Variants in PDE4D observed in about 807,000 individuals in gnomAD.
PDE4D encodes the protein 3',5'-cyclic-AMP phosphodiesterase 4D.
A neutral mutation model predicts 87.4 loss-of-function variants in PDE4D; 24 were observed. The observed-to-expected ratio is 0.27, with a 90% CI of 0.20 to 0.39. The LOEUF (loss-of-function observed/expected upper bound fraction) is 0.39. PDE4D is among the 10% of genes least tolerant of loss of function. The pLI is 1.00. For missense variants in PDE4D, 714 were observed against 1,041.0 expected, an observed-to-expected ratio of 0.69 and a Z score of 4.32; for synonymous variants, 384 against 383.2, an observed-to-expected ratio of 1.00 and a Z score of -0.02.
chr5:59,918,571 C>A (rs1442166471), intron 3 of PDE4D, among the ~76,000 whole-genome samples: 2 of 152,148 alleles, frequency 1.3e-5, no homozygotes, highest in African/African-American at 4.8e-5. Context: ...GTCATACTAG[C>A]AAACTCACTC....
At chr5:59,669,517 G>A (rs955837836) in intron 1 of PDE4D, among the ~76,000 whole-genome samples, 1 of 152,118 alleles carries the variant, frequency 6.6e-6, no homozygotes, top group African/African-American at 2.4e-5. Context: ...GACTCATGCT[G>A]AAGTTAACTA....
At chr5:59,219,964 T>C (rs1215574692) in intron 1 of PDE4D, among the ~76,000 whole-genome samples, 1 of 152,066 alleles carries the variant, frequency 6.6e-6, no homozygotes, top group African/African-American at 2.4e-5. Context: ...ACATTTAGTG[T>C]CTGGCTAAAT....
intron 5 of PDE4D, among the ~76,000 whole-genome samples, chr5:59,078,701 G>C (rs765640308): frequency 4.6e-5 from 7 of 151,966 alleles, no homozygotes; most frequent in Non-Finnish European, 8.8e-5. Flanking sequence ...TGTATTGATA[G>C]GGTTTCTTCA....
chr5:59,350,206 A>G (rs1297760030), intron 1 of PDE4D, among the ~76,000 whole-genome samples: 2 of 152,130 alleles, frequency 1.3e-5, no homozygotes, highest in Non-Finnish European at 2.9e-5. Context: ...TCATTGCCCA[A>G]TTATGGCTCT....
At chr5:60,039,180 A>G (rs534077898) in intron 2 of PDE4D, among the ~76,000 whole-genome samples, 85 of 152,236 alleles carry the variant, frequency 5.6e-4, no homozygotes, top group African/African-American at 2.0e-3. Flanking sequence ...AAGACTTGGA[A>G]CCAACCCAAA....
intron 1 of PDE4D, among the ~76,000 whole-genome samples, chr5:59,620,542 T>C (rs145217495): frequency 6.6e-6 from 1 of 150,882 alleles, no homozygotes; most frequent in Non-Finnish European, 1.5e-5. Context: ...TGGAGGTGAA[T>C]TGCCAAGGTA....
chr5:60,275,903 C>G (rs560997220), intron 1 of PDE4D, among the ~76,000 whole-genome samples: 1 of 151,860 alleles, frequency 6.6e-6, no homozygotes, highest in East Asian at 1.9e-4. Context: ...TTTTAGAAGT[C>G]TGTTGTTGTT....
chr5:59,125,907 G>T (rs138913790), intron 5 of PDE4D, among the ~76,000 whole-genome samples: 1 of 152,040 alleles, frequency 6.6e-6, no homozygotes, highest in Non-Finnish European at 1.5e-5. Flanking sequence ...GGGATGGAGC[G>T]GGGGAGGGGG....
chr5:60,285,809 G>T (rs958718509), intron 1 of PDE4D, among the ~76,000 whole-genome samples: 3 of 152,184 alleles, frequency 2.0e-5, no homozygotes, highest in Admixed American at 1.3e-4. Flanking sequence ...TTCCTTTCAG[G>T]TCTATTTGTA....
chr5:59,054,077 G>A (rs1761993724), intron 5 of PDE4D, among the ~76,000 whole-genome samples: 1 of 151,904 alleles, frequency 6.6e-6, no homozygotes. Flanking sequence ...AATTTCAATT[G>A]GCATATTTTG....
At chr5:59,317,834 G>A (rs10940644) in intron 1 of PDE4D, among the ~76,000 whole-genome samples, 35,521 of 152,044 alleles carry the variant, frequency 0.23, 4,453 homozygotes, top group Admixed American at 0.33. Flanking sequence ...AGCTGAGAGT[G>A]GACTGGCTTA....
chr5:59,189,567 C>A (rs1324444938), intron 3 of PDE4D, among the ~76,000 whole-genome samples: 1 of 152,134 alleles, frequency 6.6e-6, no homozygotes, highest in East Asian at 1.9e-4. Flanking sequence ...CCTGGGATCA[C>A]TGAGCCCGGA....
At chr5:59,994,942 T>C (rs1763383140) in intron 2 of PDE4D, among the ~76,000 whole-genome samples, 1 of 152,174 alleles carries the variant, frequency 6.6e-6, no homozygotes, top group Non-Finnish European at 1.5e-5. Context: ...AATGCAGAGA[T>C]GAATTAGGCA....
intron 3 of PDE4D, among the ~76,000 whole-genome samples, chr5:59,973,140 G>C (rs1488744858): frequency 6.6e-6 from 1 of 152,048 alleles, no homozygotes; most frequent in African/African-American, 2.4e-5. Flanking sequence ...CTCAAACTGT[G>C]TCTGTCATAT....
intron 3 of PDE4D, among the ~76,000 whole-genome samples, chr5:59,971,607 CT>C (rs1408012886): frequency 1.3e-5 from 2 of 152,076 alleles, no homozygotes; most frequent in East Asian, 3.9e-4. Flanking sequence ...AAGCCCAGTC[CT>C]TGTCTCCTTA....
chr5:59,681,846 A>G (rs1321631497), intron 1 of PDE4D, among the ~76,000 whole-genome samples: 1 of 145,048 alleles, frequency 6.9e-6, no homozygotes, highest in Non-Finnish European at 1.5e-5. Context: ...GGTTGCAGTG[A>G]GCCGAGGCGG....
chr5:59,936,143 T>A (rs571481875), intron 3 of PDE4D, among the ~76,000 whole-genome samples: 50 of 151,786 alleles, frequency 3.3e-4, no homozygotes, highest in Non-Finnish European at 5.4e-4. Flanking sequence ...TTCTCACTCA[T>A]AGGTGGGAAT....
At chr5:59,060,957 C>T (rs1295038402) in intron 5 of PDE4D, among the ~76,000 whole-genome samples, 3 of 152,100 alleles carry the variant, frequency 2.0e-5, no homozygotes, top group South Asian at 2.1e-4. Flanking sequence ...AATAACACTG[C>T]TTCCATTGTT....
intron 1 of PDE4D, among the ~76,000 whole-genome samples, chr5:59,229,453 G>A (rs1385009013): frequency 6.6e-6 from 1 of 152,114 alleles, no homozygotes; most frequent in Non-Finnish European, 1.5e-5. Context: ...TTTTAACGGG[G>A]GTTATTTTGA....
Sources: allele counts gnomAD v4.1 joint callset (sites outside exome capture counted in the v4.1 genomes callset), GRCh38; gene constraint gnomAD v4.1.1; transcripts MANE v1.5; gene names NCBI Gene and HGNC (gene_info 2026-07-23, HGNC 2026-07-21).